Variants in STT3A observed in about 807,000 individuals in gnomAD.
The protein encoded by STT3A is dolichyl-diphosphooligosaccharide--protein glycosyltransferase subunit STT3A.
Under a neutral mutation model 89.2 loss-of-function variants are expected in STT3A, and 34 were observed. That is an observed-to-expected ratio of 0.38 (90% CI 0.29 to 0.51). The LOEUF (loss-of-function observed/expected upper bound fraction) is 0.51. STT3A is among the 20% of genes least tolerant of loss of function. STT3A has a pLI of 0.89. For synonymous variants in STT3A, 282 were observed against 310.3 expected (o/e 0.91, Z 0.96); for missense variants, 555 against 889.5 (o/e 0.62, Z 4.78).
rs1219713329 is a variant in STT3A at position 125,621,343 on chromosome 11, G to A, written c.*533G>A. The A allele has an allele frequency of 1.3e-5, 2 of 152,522 alleles. No homozygotes were observed. Among genetic ancestry groups the A allele is most frequent in the African/African-American group, 4.8e-5 (2 of 41,574 alleles). 9.4% of individuals were successfully genotyped at this position (152,522 alleles called of 1,614,324 possible). ...TGAATGAATAAATGTGGGACCAGAA[G>A]AGTGCTAGAAGAGTGCCTTTCTGGG... On this transcript the variant is annotated 3_prime_UTR_variant, in exon 18 of 18. Transcript: ENST00000392708.
At position 125,606,412 on chromosome 11, in the gene STT3A, G is replaced by A; in HGVS notation, c.727G>A (p.Val243Ile). Reference sequence around the variant, plus strand: ...CCGGATCTATGTGGCCTACTGTACTGTTTACTGCCTGGGCACTATACTTTC... The same window carrying A: ...CCGGATCTATGTGGCCTACTGTACTATTTACTGCCTGGGCACTATACTTTC... ...SHRIYVAYCT[V>I]YCLGTILSMQ... Residue 243 changes from valine (V) to isoleucine (I), a missense_variant, in exon 8 of 18, where the codon GTT becomes ATT. Coordinates refer to ENST00000392708, the MANE Select transcript of STT3A (RefSeq NM_152713.5). 6.2e-7 allele frequency: 1 copy of A among 1,614,128 alleles called. No individual in the cohort carries two copies. The highest frequency in any genetic ancestry group is 1.1e-5 in the South Asian group (1 of 91,080).
At chr11:125,605,050 T>C (rs1242344651) in intron 6 of STT3A, among the ~76,000 whole-genome samples, 4 of 152,074 alleles carry the variant, frequency 2.6e-5, no homozygotes, top group Admixed American at 2.6e-4. Context: ...TGCGGTGAGC[T>C]GTGATTGCCA....
intron 10 of STT3A, among the ~76,000 whole-genome samples, chr11:125,610,230 T>G (rs1170228682): frequency 1.3e-5 from 2 of 151,974 alleles, no homozygotes; most frequent in African/African-American, 2.4e-5. Flanking sequence ...GCCCAGCTAA[T>G]TTTTGTATTT....
rs140163327 is a variant in STT3A, at chr11:125,614,008, C to A, written c.1555-79C>A. On this transcript the variant is annotated intron_variant, in intron 13 of 17. Coordinates refer to ENST00000392708, the MANE Select transcript of STT3A (RefSeq NM_152713.5). This position sits in a 1 kb window ranked among gnomAD's most constrained non-coding sequence, Gnocchi z 4.9. ...TAGCCAGGTGTCACTTCTGTCAGAC[C>A]AAAGATGCCTTCTCTGTTGCATTTG... The A allele has an allele frequency of 3.2e-4, 417 of 1,295,042 alleles. 1 individual carries two copies. The African/African-American group carries it at 4.6e-3, about 14-fold the overall frequency. 80.2% of individuals were successfully genotyped at this position (1,295,042 alleles called of 1,614,324 possible).
At chr11:125,605,270 T>C (rs1336954077) in intron 6 of STT3A, among the ~76,000 whole-genome samples, 1 of 152,104 alleles carries the variant, frequency 6.6e-6, no homozygotes, top group African/African-American at 2.4e-5. Context: ...TATTATATGT[T>C]AAGACATAGA....
chr11:125,593,562 A>G (rs550795479), intron 1 of STT3A: 20 of 152,324 alleles, frequency 1.3e-4, no homozygotes, highest in African/African-American at 4.8e-4. Context: ...CAAGTTTTCA[A>G]GTAGAGATCC....
chr11:125,600,204 C>T (rs557869359), intron 3 of STT3A, among the ~76,000 whole-genome samples: 21 of 152,154 alleles, frequency 1.4e-4, no homozygotes, highest in Admixed American at 5.2e-4. Flanking sequence ...GCATGCGCCA[C>T]CACGCCTGGC....
chr11:125,608,196 T>C lies in STT3A; in HGVS notation c.868T>C (p.Leu290=), dbSNP rs770854380. The change falls in exon 9 of 18, where the codon TTG becomes CTG. Residue 290 remains leucine, a synonymous_variant. Coordinates refer to ENST00000392708, the MANE Select transcript of STT3A (RefSeq NM_152713.5). Reference sequence around the variant, plus strand: ...CTTTGTGGATTACCTGCGCAGCAAGTTGAATCCACAACAATTTGAAGTTCT... The same window carrying C: ...CTTTGTGGATTACCTGCGCAGCAAGCTGAATCCACAACAATTTGAAGTTCT... The part of the protein sequence containing the change: ...HAFVDYLRSK[L]NPQQFEVLFR... 1 of 1,614,254 alleles carries C rather than the reference T, an allele frequency of 6.2e-7. No individual in the cohort carries two copies. Among genetic ancestry groups the C allele is most frequent in the East Asian group, 2.2e-5 (1 of 44,892 alleles).
rs1343214614 is a variant in STT3A at position 125,595,886 on chromosome 11, C to T, written c.-30C>T. The T allele has an allele frequency of 6.2e-6, 9 of 1,458,670 alleles. No individual in the cohort carries two copies. The highest frequency in any genetic ancestry group is 4.5e-5 in the East Asian group (2 of 44,160). 90.4% of individuals were successfully genotyped at this position (1,458,670 alleles called of 1,614,324 possible). A position where few individuals can be genotyped will look rare whatever the true frequency, so the allele number is the denominator to read the frequency against. ...TCTTGACTTTTTCATTTTAGCTGAT[C>T]GTCGTGTGTTGCCACCCATTCATGT... On this transcript the variant is annotated 5_prime_UTR_variant, in exon 2 of 18. Coordinates refer to ENST00000392708, the MANE Select transcript of STT3A (RefSeq NM_152713.5).
intron 3 of STT3A, among the ~76,000 whole-genome samples, chr11:125,598,732 G>A (rs184508354): frequency 6.6e-6 from 1 of 152,212 alleles, no homozygotes; most frequent in African/African-American, 2.4e-5. Flanking sequence ...AGTTTCCCAA[G>A]TAGCTGGGAC....
At chr11:125,616,026 G>A (rs371853593) in intron 15 of STT3A, among the ~76,000 whole-genome samples, 1 of 151,948 alleles carries the variant, frequency 6.6e-6, no homozygotes, top group African/African-American at 2.4e-5. Flanking sequence ...GTGACAGAGC[G>A]AGACTCCATC....
At chr11:125,618,971 C>T (rs1444617376) in intron 16 of STT3A, among the ~76,000 whole-genome samples, 3 of 152,032 alleles carry the variant, frequency 2.0e-5, no homozygotes, top group Non-Finnish European at 2.9e-5. Context: ...TGAGCTCAAG[C>T]AATCTTCTTG....
rs1940384598 is a variant in STT3A at position 125,622,758 on chromosome 11, T to G, written c.*1948T>G. 6.6e-6 allele frequency: 1 copy of G among 151,922 alleles called. No individual in the cohort carries two copies. Among genetic ancestry groups the G allele is most frequent in the Non-Finnish European group, 1.5e-5 (1 of 68,018 alleles). 9.4% of individuals were successfully genotyped at this position (151,922 alleles called of 1,614,324 possible). A position where few individuals can be genotyped will look rare whatever the true frequency, so the allele number is the denominator to read the frequency against. On this transcript the variant is annotated 3_prime_UTR_variant, in exon 18 of 18. Transcript: ENST00000392708. ...CTTTCATATTAAAGACTTTCTCAAA[T>G]TCTTGCTAGTCTGCTCCTCTTTAAG...
In STT3A at chr11:125,621,682, G is replaced by A. The variant is rs1034122517; in HGVS notation, c.*872G>A. 5 of 152,116 alleles carry A rather than the reference G, an allele frequency of 3.3e-5. No homozygotes were observed. The highest frequency in any genetic ancestry group is 4.8e-5 in the African/African-American group (2 of 41,400). 9.4% of individuals were successfully genotyped at this position (152,116 alleles called of 1,614,324 possible). A position where few individuals can be genotyped will look rare whatever the true frequency, so the allele number is the denominator to read the frequency against. ...TCTTTTTCCCTTAGTCTTAGCCTAT[G>A]TGTTGCTGTTGTATATTGTTACCAA... On this transcript the variant is annotated 3_prime_UTR_variant, in exon 18 of 18. Coordinates refer to ENST00000392708, the MANE Select transcript of STT3A (RefSeq NM_152713.5).
chr11:125,599,603 CTT>C (rs967082095), intron 3 of STT3A, among the ~76,000 whole-genome samples: 3 of 150,902 alleles, frequency 2.0e-5, no homozygotes, highest in African/African-American at 7.3e-5. Flanking sequence ...TAGATTGGGT[CTT>C]GTTATGTTAC....
chr11:125,612,780 A>G (rs762819015), intron 12 of STT3A, 33 bp downstream of exon 12: 2 of 1,607,478 alleles, frequency 1.2e-6, no homozygotes, highest in Admixed American at 1.7e-5. Flanking sequence ...GACTTGGGAA[A>G]CTCTGTGTGT....
rs1051151706 is a variant in STT3A at position 125,592,923 on chromosome 11, G to A, written c.-36+5G>A. 4.0e-5 allele frequency: 7 copies of A among 174,184 alleles called. No homozygotes were observed. Among genetic ancestry groups the A allele is most frequent in the Admixed American group, 3.6e-4 (6 of 16,886 alleles). The allele number at this position is 174,184 out of a possible 1,614,324, so 10.8% of individuals were successfully genotyped here. ...TCGTTTAGGAAAGCCGGCCAGGTGAGAAGGCCGTAGAACGTAACTTGAAAA... is the reference window on the plus strand; with the variant it reads ...TCGTTTAGGAAAGCCGGCCAGGTGAAAAGGCCGTAGAACGTAACTTGAAAA... On this transcript the variant is annotated splice_donor_5th_base_variant and intron_variant, in intron 1 of 17. Coordinates refer to ENST00000392708, the MANE Select transcript of STT3A (RefSeq NM_152713.5).
Position 125,605,008 on chromosome 11 carries a change from G to A in STT3A, c.509-621G>A, listed in dbSNP as rs1189686457. On this transcript the variant is annotated intron_variant, in intron 6 of 17. Coordinates refer to ENST00000392708, the MANE Select transcript of STT3A (RefSeq NM_152713.5). ...TCCCAGCTACTCTGGAGACTGAAGT[G>A]GGAGGATCGCTTGAGCCTGGGAGGT... is the stretch of plus-strand genomic sequence containing the variant. Among the ~76,000 whole-genome samples, 4 of 152,146 alleles carry A rather than the reference G, an allele frequency of 2.6e-5. No individual in the cohort carries two copies. The South Asian group carries it at 6.2e-4, about 24-fold the overall frequency.
chr11:125,618,886 A>C (rs1485300300), intron 16 of STT3A, among the ~76,000 whole-genome samples: 1 of 151,406 alleles, frequency 6.6e-6, no homozygotes, highest in African/African-American at 2.4e-5. Context: ...GGTGCACACC[A>C]CAATGCCTGG....
Sources: gnomAD v4.1 joint callset for allele counts (sites outside exome capture counted in the v4.1 genomes callset) on GRCh38, gnomAD v4.1.1 for gene constraint, Gnocchi (gnomAD v3.1) non-coding constraint, MANE v1.5 for transcripts, NCBI Gene and HGNC (gene_info 2026-07-23, HGNC 2026-07-21) for gene names.